The following SEPTIN14 variants were observed in gnomAD, a reference collection of about 807,000 sequenced individuals.
SEPTIN14 encodes septin 14, also known as septin-14.
Under a neutral mutation model 53.6 loss-of-function variants are expected in SEPTIN14, and 40 were observed. The ratio of observed to expected loss-of-function variants is 0.75; its 90% CI spans 0.58 to 0.97. The LOEUF is 0.97. Ranked by LOEUF, SEPTIN14 falls within the 50% of genes least tolerant of loss-of-function variation. SEPTIN14 has a pLI of 0.00. For synonymous variants in SEPTIN14, 138 were observed against 166.8 expected (o/e 0.83, Z 1.33); for missense variants, 471 against 508.2 (o/e 0.93, Z 0.70).
chr7:55,860,939 G>A (rs1789732459), intron 2 of SEPTIN14, among the ~76,000 whole-genome samples: 1 of 152,164 alleles, frequency 6.6e-6, no homozygotes, highest in South Asian at 2.1e-4. Context: ...AAATTACCAA[G>A]TCTGAGGTAT....
intron 5 of SEPTIN14, among the ~76,000 whole-genome samples, chr7:55,837,487 T>C (rs754928577): frequency 9.9e-5 from 15 of 152,092 alleles, no homozygotes; most frequent in Non-Finnish European, 2.1e-4. Flanking sequence ...GAGAAAGAAA[T>C]TGAGGCATCA....
At chr7:55,842,411 G>A (rs865864102) in intron 5 of SEPTIN14, among the ~76,000 whole-genome samples, 5 of 152,056 alleles carry the variant, frequency 3.3e-5, no homozygotes, top group South Asian at 2.1e-4. Flanking sequence ...TTCAAGTTCA[G>A]CCTGGGCAAC....
intron 3 of SEPTIN14, 125 bp downstream of exon 3, chr7:55,846,392 G>T: frequency 1.5e-6 from 1 of 676,492 alleles, no homozygotes; most frequent in Non-Finnish European, 2.4e-6. Flanking sequence ...TGGCTAAGAT[G>T]AGAATCACTG....
chr7:55,859,293 T>C (rs1035912216), intron 2 of SEPTIN14, among the ~76,000 whole-genome samples: 10 of 152,226 alleles, frequency 6.6e-5, no homozygotes, highest in Admixed American at 6.5e-5. Context: ...TATAAGATAA[T>C]GGTCCAATAT....
chr7:55,832,281 T>C (rs1206330619), intron 6 of SEPTIN14, among the ~76,000 whole-genome samples: 2 of 151,594 alleles, frequency 1.3e-5, no homozygotes, highest in African/African-American at 2.4e-5. Context: ...TTGGTGTGAA[T>C]GCAGAGAATA....
At position 55,807,265 on chromosome 7, in the gene SEPTIN14, A is replaced by G; in HGVS notation, c.818-7T>C. 1 of 1,553,500 alleles carries G rather than the reference A, an allele frequency of 6.4e-7. No individual in the cohort carries two copies. The highest frequency in any genetic ancestry group is 8.7e-7 in the Non-Finnish European group (1 of 1,149,040). ...CAGTGATTTTCATTTTCCACTAGTA[A>G]AAAAATAATAATGAATCAACAACAT... On this transcript the variant is annotated splice_region_variant and splice_polypyrimidine_tract_variant and intron_variant, in intron 7 of 9. Transcript: ENST00000388975.
intron 2 of SEPTIN14, among the ~76,000 whole-genome samples, chr7:55,860,301 A>C (rs1349564575): frequency 6.6e-6 from 1 of 152,210 alleles, no homozygotes; most frequent in African/African-American, 2.4e-5. Context: ...AAAGACAAAT[A>C]TGTCACTCAT....
rs1323619391 is a variant in SEPTIN14, at chr7:55,830,336, TATATATATATA to T, written c.720+4078_720+4088del. The stretch of plus-strand genomic sequence containing the variant: ...TTATCCAACTGTATATATATATATA[TATATATATATA>T]TATTTTTTTTTTTTTTTGAGACGGA... On this transcript the variant is annotated intron_variant, in intron 6 of 9. Coordinates refer to ENST00000388975, the MANE Select transcript of SEPTIN14 (RefSeq NM_207366.3). Among the ~76,000 whole-genome samples the T allele has an allele frequency of 8.5e-3, 311 of 36,800 alleles. 8 individuals are homozygous for T. Among genetic ancestry groups the T allele is most frequent in the African/African-American group, 0.035 (279 of 7,932 alleles). The allele number at this position is 36,800 out of a possible 152,430, so 24.1% of individuals were successfully genotyped here. A position where few individuals can be genotyped will look rare whatever the true frequency, so the allele number is the denominator to read the frequency against.
chr7:55,829,213 T>A (rs1296336473), intron 6 of SEPTIN14, among the ~76,000 whole-genome samples: 1 of 151,606 alleles, frequency 6.6e-6, no homozygotes. Flanking sequence ...ACCCCGTATC[T>A]ACTAAAATAC....
At chr7:55,805,814 T>TAAC (rs1400748294) in intron 8 of SEPTIN14, among the ~76,000 whole-genome samples, 1 of 152,184 alleles carries the variant, frequency 6.6e-6, no homozygotes, top group Admixed American at 6.5e-5. Flanking sequence ...CTTTTGACAA[T>TAAC]AACATTCAGG....
At chr7:55,833,251 G>T (rs1789142140) in intron 6 of SEPTIN14, among the ~76,000 whole-genome samples, 1 of 150,330 alleles carries the variant, frequency 6.7e-6, no homozygotes, top group Non-Finnish European at 1.5e-5. Context: ...GGAGGCAGAG[G>T]TTGCAGTGAG....
At chr7:55,817,732 A>G (rs781356943) in intron 7 of SEPTIN14, among the ~76,000 whole-genome samples, 1 of 152,048 alleles carries the variant, frequency 6.6e-6, no homozygotes, top group African/African-American at 2.4e-5. Context: ...AGCCTCCCAA[A>G]GTGCTGGGAT....
At chr7:55,856,663 G>T (rs1487249173) in intron 2 of SEPTIN14, among the ~76,000 whole-genome samples, 1 of 151,984 alleles carries the variant, frequency 6.6e-6, no homozygotes, top group South Asian at 2.1e-4. Context: ...AAAGTGCTGG[G>T]GTTACAGGCA....
intron 6 of SEPTIN14, among the ~76,000 whole-genome samples, chr7:55,821,174 C>T (rs187838260): frequency 6.6e-6 from 1 of 152,096 alleles, no homozygotes; most frequent in East Asian, 1.9e-4. Context: ...CACTCAAGAC[C>T]TACTTGTGAA....
At chr7:55,837,172 G>A (rs1430871429) in intron 5 of SEPTIN14, among the ~76,000 whole-genome samples, 1 of 151,494 alleles carries the variant, frequency 6.6e-6, no homozygotes, top group Admixed American at 6.6e-5. Flanking sequence ...CTGCAGTGCG[G>A]TGGCATGATC....
At chr7:55,802,075 G>C (rs1788529789) in intron 9 of SEPTIN14, among the ~76,000 whole-genome samples, 1 of 150,410 alleles carries the variant, frequency 6.6e-6, no homozygotes, top group Admixed American at 6.7e-5. Flanking sequence ...TGCGATCTCA[G>C]CTCACTGCAA....
chr7:55,859,625 C>T (rs572413818), intron 2 of SEPTIN14, among the ~76,000 whole-genome samples: 2 of 151,496 alleles, frequency 1.3e-5, no homozygotes, highest in South Asian at 2.1e-4. Context: ...TTTTTCAATC[C>T]CTCCCTTCAC....
At chr7:55,808,863 T>C (rs903170263) in intron 7 of SEPTIN14, among the ~76,000 whole-genome samples, 3 of 152,114 alleles carry the variant, frequency 2.0e-5, no homozygotes, top group Non-Finnish European at 2.9e-5. Flanking sequence ...GACAATTTCT[T>C]AAAGAAGTTA....
intron 9 of SEPTIN14, among the ~76,000 whole-genome samples, chr7:55,804,417 C>T (rs1400634426): frequency 6.6e-6 from 1 of 151,754 alleles, no homozygotes; most frequent in Non-Finnish European, 1.5e-5. Context: ...CAGCACCATG[C>T]CCAGCTAATT....
Sources: allele counts gnomAD v4.1 joint callset (sites outside exome capture counted in the v4.1 genomes callset), GRCh38; gene constraint gnomAD v4.1.1; transcripts MANE v1.5; gene names NCBI Gene and HGNC (gene_info 2026-07-23, HGNC 2026-07-21).